Variants in NTRK3 observed in about 807,000 individuals in gnomAD.
The protein encoded by NTRK3 is neurotrophic receptor tyrosine kinase 3.
Under a neutral mutation model 91.7 loss-of-function variants are expected in NTRK3, and 24 were observed. The observed-to-expected ratio is 0.26, with a 90% CI of 0.19 to 0.37. The LOEUF (loss-of-function observed/expected upper bound fraction) is 0.37, where lower values mean the gene tolerates loss of function less well. Ranked by LOEUF, NTRK3 falls within the 10% of genes least tolerant of loss-of-function variation. The pLI is 1.00. For synonymous variants in NTRK3, 483 were observed against 404.0 expected (o/e 1.20, Z -2.34); for missense variants, 880 against 1,068.9 (o/e 0.82, Z 2.46).
At chr15:88,238,460 G>T (rs1378305632) in intron 3 of NTRK3, among the ~76,000 whole-genome samples, 2 of 151,980 alleles carry the variant, frequency 1.3e-5, no homozygotes, top group African/African-American at 4.8e-5. Context: ...TTTAAAAAAA[G>T]ACAGAATATA....
Position 87,924,561 on chromosome 15 carries a change from C to T in NTRK3, c.2133+4630G>A, listed in dbSNP as rs556017531. Among the ~76,000 whole-genome samples the T allele has an allele frequency of 2.6e-5, 4 of 152,296 alleles. No homozygotes were observed. In the East Asian group the frequency reaches 7.7e-4, roughly 29 times the overall value. On this transcript the variant is annotated intron_variant, in intron 17 of 18. Transcript: ENST00000394480. ...AACCTGAAGTGGGTCATCCTTGACT[C>T]AGACTATCACTCGTTTGCCTCTTCT...
At chr15:88,009,772 A>C (rs564282929) in intron 14 of NTRK3, among the ~76,000 whole-genome samples, 89 of 152,284 alleles carry the variant, frequency 5.8e-4, no homozygotes, top group African/African-American at 2.1e-3. Flanking sequence ...TCAAATCCAG[A>C]CTTTTCTACT....
chr15:88,105,100 C>A (rs1597340655), intron 13 of NTRK3, among the ~76,000 whole-genome samples: 1 of 152,172 alleles, frequency 6.6e-6, no homozygotes, highest in African/African-American at 2.4e-5. Context: ...TCCCAAATGA[C>A]TAGAAAGTAT....
In NTRK3 at chr15:88,255,884, G is replaced by A. The variant is rs779657850; in HGVS notation, c.248+22C>T. The A allele has an allele frequency of 1.4e-5, 23 of 1,595,364 alleles. No individual in the cohort carries two copies. In the African/African-American group the frequency reaches 3.0e-4, roughly 21 times the overall value. On this transcript the variant is annotated intron_variant, in intron 3 of 18. Coordinates refer to ENST00000394480, the Ensembl canonical transcript of NTRK3. The surrounding 1 kb of genome is among the most constrained non-coding windows in gnomAD (Gnocchi z 4.3). ...ACGCAGAGCGCGGGGGAGGCAGGCT[G>A]GGGAGCGGCCGCCTGACTTACATGG...
chr15:87,893,138 T>C (rs904550430), intron 17 of NTRK3, among the ~76,000 whole-genome samples: 3 of 152,202 alleles, frequency 2.0e-5, no homozygotes, highest in Non-Finnish European at 4.4e-5. Context: ...AGACTGAGCA[T>C]TTAATGGTGC....
At chr15:87,935,729 C>A (rs1322590205) in intron 15 of NTRK3, among the ~76,000 whole-genome samples, 1 of 152,212 alleles carries the variant, frequency 6.6e-6, no homozygotes, top group Non-Finnish European at 1.5e-5. Context: ...CTCCCACAGT[C>A]TGGACGTCAA....
Position 88,254,999 on chromosome 15 carries a change from T to C in NTRK3, c.248+907A>G, listed in dbSNP as rs567085852. On this transcript the variant is annotated intron_variant, in intron 3 of 18. Coordinates refer to ENST00000394480, the Ensembl canonical transcript of NTRK3. ...TGCTGCCATCCCCACCAAAGAAAAATAGCAAGGAGAAAAGAGCAGGCCACC... is the reference window on the plus strand; with the variant it reads ...TGCTGCCATCCCCACCAAAGAAAAACAGCAAGGAGAAAAGAGCAGGCCACC... Among the ~76,000 whole-genome samples the C allele has an allele frequency of 6.6e-5, 10 of 151,730 alleles. No individual in the cohort carries two copies. In the South Asian group the frequency reaches 2.1e-3, roughly 32 times the overall value.
At chr15:87,865,786 T>C (rs1306482931) in exon 19 of NTRK3, 1 of 227,716 alleles carries the variant, frequency 4.4e-6, no homozygotes, top group Non-Finnish European at 8.7e-6. Context: ...CAAACTCTAA[T>C]TGTCCCTTTC....
intron 13 of NTRK3, among the ~76,000 whole-genome samples, chr15:88,046,078 C>T (rs752873893): frequency 3.9e-5 from 6 of 152,166 alleles, no homozygotes; most frequent in Non-Finnish European, 5.9e-5. Flanking sequence ...AGCACCCAGG[C>T]TGGAGCATCA....
chr15:88,197,949 T>G (rs982519217), intron 3 of NTRK3, among the ~76,000 whole-genome samples: 2 of 152,190 alleles, frequency 1.3e-5, no homozygotes, highest in African/African-American at 4.8e-5. Context: ...ACAAGCTAGG[T>G]GATCTCCCAT....
intron 14 of NTRK3, among the ~76,000 whole-genome samples, chr15:88,023,202 G>T (rs1329094905): frequency 1.3e-5 from 2 of 152,138 alleles, no homozygotes; most frequent in Non-Finnish European, 2.9e-5. Context: ...GTATACTAAA[G>T]TTCAAGCCCA....
chr15:88,029,222 G>A (rs763357866), intron 14 of NTRK3, among the ~76,000 whole-genome samples: 5 of 152,118 alleles, frequency 3.3e-5, no homozygotes, highest in South Asian at 2.1e-4. Flanking sequence ...CCGCTCTTTC[G>A]GAATCCCTGG....
intron 13 of NTRK3, among the ~76,000 whole-genome samples, chr15:88,065,429 T>C (rs2046567142): frequency 1.3e-5 from 2 of 152,136 alleles, no homozygotes; most frequent in African/African-American, 4.8e-5. Flanking sequence ...ATCAGGTGGT[T>C]TGAGGCTCTG....
chr15:87,937,913 A>T (rs2141995840), intron 15 of NTRK3, among the ~76,000 whole-genome samples: 1 of 152,226 alleles, frequency 6.6e-6, no homozygotes, highest in African/African-American at 2.4e-5. Flanking sequence ...TGAAGAATTC[A>T]TGAATCAGAA....
intron 17 of NTRK3, among the ~76,000 whole-genome samples, chr15:87,895,120 C>T (rs762376488): frequency 6.6e-6 from 1 of 152,206 alleles, no homozygotes; most frequent in Non-Finnish European, 1.5e-5. Flanking sequence ...AGCTAATAAA[C>T]ACACAGGGTT....
intron 13 of NTRK3, among the ~76,000 whole-genome samples, chr15:88,044,633 A>G (rs2080005003): frequency 6.9e-6 from 1 of 145,726 alleles, no homozygotes; most frequent in South Asian, 2.2e-4. Flanking sequence ...CTAGGTCTAG[A>G]ATGAACACAC....
At chr15:88,135,496 C>A in intron 9 of NTRK3, 99 bp from the exon 10 acceptor site, 1 of 1,363,488 alleles carries the variant, frequency 7.3e-7, no homozygotes, top group East Asian at 2.5e-5. Flanking sequence ...TTCTTCCCCA[C>A]CCACTCTGAA....
chr15:87,886,389 A>T lies in NTRK3; in HGVS notation c.2134-5961T>A, dbSNP rs181603526. ...TATTTCATTCATTCTAAAGGCAAAA[A>T]TTTGTTCACCATTAAAGTTATAGGC... On this transcript the variant is annotated intron_variant, in intron 17 of 18. Transcript: ENST00000394480. 2.9e-3 allele frequency among the ~76,000 whole-genome samples: 436 copies of T among 152,018 alleles called. 1 individual carries two copies. Among genetic ancestry groups the T allele is most frequent in the South Asian group, 0.013 (62 of 4,826 alleles).
intron 3 of NTRK3, among the ~76,000 whole-genome samples, chr15:88,244,739 T>A (rs1598153675): frequency 6.6e-6 from 1 of 152,206 alleles, no homozygotes; most frequent in Non-Finnish European, 1.5e-5. Flanking sequence ...GGATTTTAGG[T>A]CATCCTATCC....
Sources: allele counts gnomAD v4.1 joint callset (sites outside exome capture counted in the v4.1 genomes callset), GRCh38; gene constraint gnomAD v4.1.1; non-coding constraint Gnocchi (gnomAD v3.1); transcripts MANE v1.5; gene names NCBI Gene and HGNC (gene_info 2026-07-23, HGNC 2026-07-21).